ADAMTS3: variants seen among roughly 807,000 people sequenced by gnomAD.
ADAMTS3 encodes the protein A disintegrin and metalloproteinase with thrombospondin motifs 3.
In ADAMTS3, 73 loss-of-function variants were observed where a neutral mutation model predicts 129.0. The observed-to-expected ratio is 0.57, with a 90% CI of 0.47 to 0.69. The LOEUF (loss-of-function observed/expected upper bound fraction) is 0.69, where lower values mean the gene tolerates loss of function less well. Ranked by LOEUF, ADAMTS3 falls within the 30% of genes least tolerant of loss-of-function variation. The probability of loss-of-function intolerance (pLI) is 0.00; values close to 1 mark genes in which losing one functional copy is unlikely to be tolerated. For synonymous variants in ADAMTS3, 477 were observed against 510.8 expected (o/e 0.93, Z 0.89); for missense variants, 1,457 against 1,514.5 (o/e 0.96, Z 0.63).
chr4:72,514,389 T>C (rs1720397502), intron 3 of ADAMTS3, among the ~76,000 whole-genome samples: 1 of 152,170 alleles, frequency 6.6e-6, no homozygotes, highest in South Asian at 2.1e-4. Context: ...CATGAATCTA[T>C]TGAGGGTGGG....
intron 3 of ADAMTS3, among the ~76,000 whole-genome samples, chr4:72,417,969 T>C (rs1463661533): frequency 6.6e-6 from 1 of 150,542 alleles, no homozygotes; most frequent in Non-Finnish European, 1.5e-5. Flanking sequence ...TAAAGCACTG[T>C]ACTAAATATA....
chr4:72,524,388 G>A (rs1720753334), intron 3 of ADAMTS3, among the ~76,000 whole-genome samples: 1 of 152,174 alleles, frequency 6.6e-6, no homozygotes, highest in South Asian at 2.1e-4. Flanking sequence ...AATTTTCAAA[G>A]TTGAGGCAAT....
At chr4:72,316,069 T>C in intron 10 of ADAMTS3, 98 bp from the exon 11 acceptor site, 1 of 594,122 alleles carries the variant, frequency 1.7e-6, no homozygotes, top group East Asian at 3.1e-5. Context: ...GTTTCTTGGA[T>C]GTGTTTATTT....
intron 3 of ADAMTS3, among the ~76,000 whole-genome samples, chr4:72,450,971 GAAGAGAA>G: frequency 1.8e-5 from 1 of 56,982 alleles, no homozygotes; most frequent in Admixed American, 1.2e-4. Flanking sequence ...CAGGCAAAAA[GAAGAGAA>G]GAGAAGAGAA....
intron 3 of ADAMTS3, among the ~76,000 whole-genome samples, chr4:72,427,819 TCTC>T (rs371543198): frequency 6.3e-4 from 96 of 152,030 alleles, no homozygotes; most frequent in South Asian, 5.0e-3. Context: ...CTCTAACCCT[TCTC>T]CTCTCCTAGT....
intron 4 of ADAMTS3, among the ~76,000 whole-genome samples, chr4:72,395,044 C>T (rs1331253633): frequency 2.6e-5 from 4 of 151,966 alleles, no homozygotes; most frequent in Admixed American, 6.6e-5. Context: ...CCTGCCTCAG[C>T]CTCTGGAGTA....
intron 4 of ADAMTS3, among the ~76,000 whole-genome samples, chr4:72,340,516 A>G (rs1361354507): frequency 6.6e-6 from 1 of 152,052 alleles, no homozygotes; most frequent in African/African-American, 2.4e-5. Context: ...ATATATCTAA[A>G]CCTGAGATAT....
At chr4:72,351,716 T>C (rs1720442474) in intron 4 of ADAMTS3, among the ~76,000 whole-genome samples, 1 of 151,658 alleles carries the variant, frequency 6.6e-6, no homozygotes, top group African/African-American at 2.4e-5. Flanking sequence ...AGCACAAACA[T>C]GGAGGGAGTT....
At position 72,313,786 on chromosome 4, in the gene ADAMTS3, T is replaced by G. The variant is rs748748836; in HGVS notation, c.1636A>C (p.Asn546His). Residue 546 changes from asparagine (N) to histidine (H), a missense_variant, in exon 12 of 22, where the codon AAT becomes CAT. Asn to His is a moderately conservative substitution (Grantham distance 68, BLOSUM62 1). Transcript: ENST00000286657. ...CAATTGCCATCTTGTTTTTGCTGAT[T>G]AGCATTCTTCCACATGCAATGACCC... ...YKGHCMWKNA[N>H]QQKQDGNWGS... The G allele has an allele frequency of 5.0e-6, 8 of 1,613,710 alleles. No individual in the cohort carries two copies. The African/African-American group carries it at 1.1e-4, about 22-fold the overall frequency.
intron 3 of ADAMTS3, among the ~76,000 whole-genome samples, chr4:72,426,278 G>A (rs557264022): frequency 2.0e-5 from 3 of 152,262 alleles, no homozygotes; most frequent in South Asian, 4.1e-4. Flanking sequence ...CTCCTATGCT[G>A]TAAGTTGCCT....
chr4:72,383,355 T>C (rs1481941726), intron 4 of ADAMTS3, among the ~76,000 whole-genome samples: 6 of 152,236 alleles, frequency 3.9e-5, no homozygotes, highest in African/African-American at 1.4e-4. Flanking sequence ...GTGAGTTTTC[T>C]GATTGTATGG....
intron 19 of ADAMTS3, among the ~76,000 whole-genome samples, chr4:72,292,528 T>C (rs1028163624): frequency 2.0e-5 from 3 of 152,152 alleles, no homozygotes; most frequent in Admixed American, 6.5e-5. Context: ...TTTTCCAAAA[T>C]ATTAACCAGG....
At chr4:72,474,693 T>C (rs1173410360) in intron 3 of ADAMTS3, among the ~76,000 whole-genome samples, 2 of 152,122 alleles carry the variant, frequency 1.3e-5, no homozygotes, top group African/African-American at 2.4e-5. Context: ...CACCAGAAAC[T>C]ACACAAGGAT....
chr4:72,361,018 T>G (rs1363999741), intron 4 of ADAMTS3, among the ~76,000 whole-genome samples: 1 of 152,044 alleles, frequency 6.6e-6, no homozygotes, highest in Non-Finnish European at 1.5e-5. Context: ...TCTTTCGGGG[T>G]TATCGGAATG....
At chr4:72,509,396 G>C (rs1197442174) in intron 3 of ADAMTS3, among the ~76,000 whole-genome samples, 1 of 151,664 alleles carries the variant, frequency 6.6e-6, no homozygotes, top group African/African-American at 2.4e-5. Context: ...TAAGAAGAGA[G>C]GAGATCCAAA....
At chr4:72,530,220 ATATATAT>A (rs1560553741) in intron 3 of ADAMTS3, among the ~76,000 whole-genome samples, 1 of 78,020 alleles carries the variant, frequency 1.3e-5, no homozygotes, top group African/African-American at 5.2e-5. Flanking sequence ...ATTTTAATAT[ATATATAT>A]TATATATATT....
At chr4:72,303,026 G>A (rs1718991137) in intron 17 of ADAMTS3, among the ~76,000 whole-genome samples, 1 of 152,086 alleles carries the variant, frequency 6.6e-6, no homozygotes, top group Non-Finnish European at 1.5e-5. Flanking sequence ...GCCATTCAGG[G>A]ACTGCTTGCT....
At chr4:72,479,559 A>G (rs1044861127) in intron 3 of ADAMTS3, among the ~76,000 whole-genome samples, 4 of 152,198 alleles carry the variant, frequency 2.6e-5, no homozygotes, top group Non-Finnish European at 2.9e-5. Context: ...TGGATTAAAG[A>G]CTTAAACGTT....
At chr4:72,458,656 A>C (rs1018408436) in intron 3 of ADAMTS3, among the ~76,000 whole-genome samples, 1 of 151,500 alleles carries the variant, frequency 6.6e-6, no homozygotes, top group African/African-American at 2.4e-5. Context: ...TCAAAAAAAA[A>C]CACAGTGACA....
Sources: gnomAD v4.1 joint callset for allele counts (sites outside exome capture counted in the v4.1 genomes callset) on GRCh38, gnomAD v4.1.1 for gene constraint, MANE v1.5 for transcripts, NCBI Gene and HGNC (gene_info 2026-07-23, HGNC 2026-07-21) for gene names.